The following FBXL7 variants were observed in gnomAD, a reference collection of about 807,000 sequenced individuals.
FBXL7 encodes the protein F-box and leucine rich repeat protein 7.
Under a neutral mutation model 38.3 loss-of-function variants are expected in FBXL7, and 12 were observed. That is an observed-to-expected ratio of 0.31 (90% CI 0.20 to 0.51). The LOEUF is 0.51. FBXL7 is among the 20% of genes least tolerant of loss of function. The pLI, the probability that FBXL7 is intolerant of heterozygous loss-of-function variation, is 0.98. For missense variants in FBXL7, 567 were observed against 676.4 expected (o/e 0.84, Z 1.79); for synonymous variants, 297 against 300.9 (o/e 0.99, Z 0.13).
chr5:15,819,135 C>G (rs1445107065), intron 2 of FBXL7, among the ~76,000 whole-genome samples: 1 of 152,172 alleles, frequency 6.6e-6, no homozygotes, highest in African/African-American at 2.4e-5. Flanking sequence ...GCATTGCAAA[C>G]CATAGTATCT....
chr5:15,652,438 TTG>T (rs1451223266), intron 2 of FBXL7, among the ~76,000 whole-genome samples: 1 of 152,104 alleles, frequency 6.6e-6, no homozygotes, highest in Admixed American at 6.5e-5. Context: ...GGCTAATTTT[TTG>T]TGTTTTTTGT....
At chr5:15,545,930 C>T (rs1209437743) in intron 1 of FBXL7, among the ~76,000 whole-genome samples, 1 of 152,150 alleles carries the variant, frequency 6.6e-6, no homozygotes, top group Non-Finnish European at 1.5e-5. Flanking sequence ...AACTGCTAGC[C>T]ACAGGTGGCT....
At position 15,786,902 on chromosome 5, in the gene FBXL7, C is replaced by T. The variant is rs1579461721; in HGVS notation, c.128-140988C>T. On this transcript the variant is annotated intron_variant, in intron 2 of 3. Transcript: ENST00000504595. The stretch of plus-strand genomic sequence containing the variant: ...ACAGATGAAATTAAATAAAGGATCT[C>T]AAAATGAGATCATCTTGGATTATCC... 3.3e-5 allele frequency among the ~76,000 whole-genome samples: 5 copies of T among 152,246 alleles called. No individual in the cohort carries two copies. The South Asian group carries it at 1.0e-3, about 32-fold the overall frequency.
At chr5:15,597,746 AAG>A (rs1305859254) in intron 1 of FBXL7, among the ~76,000 whole-genome samples, 1 of 152,172 alleles carries the variant, frequency 6.6e-6, no homozygotes, top group Non-Finnish European at 1.5e-5. Flanking sequence ...TTCATGCTAG[AAG>A]AGTTTGGGAA....
intron 2 of FBXL7, among the ~76,000 whole-genome samples, chr5:15,682,267 A>G (rs1431077574): frequency 6.6e-6 from 1 of 152,216 alleles, no homozygotes; most frequent in Non-Finnish European, 1.5e-5. Flanking sequence ...AATAATTGCC[A>G]GGTGTGAATG....
At chr5:15,926,964 C>T (rs1741891476) in intron 2 of FBXL7, among the ~76,000 whole-genome samples, 1 of 151,554 alleles carries the variant, frequency 6.6e-6, no homozygotes. Context: ...ACATAATCAC[C>T]CATCTAACCA....
chr5:15,787,842 A>G (rs1170173856), intron 2 of FBXL7, among the ~76,000 whole-genome samples: 1 of 152,178 alleles, frequency 6.6e-6, no homozygotes, highest in Non-Finnish European at 1.5e-5. Context: ...TGTCTTCATT[A>G]AATGCATCCT....
In FBXL7 at chr5:15,500,551, C is replaced by T; in HGVS notation, c.-126C>T. Reference sequence around the variant, plus strand: ...GGGACCTCTCCAGGCCGGAGGTCGGCCCCGGAGCTTGGGGGGGATGTGCAG... The same window carrying T: ...GGGACCTCTCCAGGCCGGAGGTCGGTCCCGGAGCTTGGGGGGGATGTGCAG... On this transcript the variant is annotated 5_prime_UTR_variant, in exon 1 of 4. Coordinates refer to ENST00000504595, the MANE Select transcript of FBXL7 (RefSeq NM_012304.5). The T allele has an allele frequency of 7.4e-7, 1 of 1,356,804 alleles. No homozygotes were observed. The highest frequency in any genetic ancestry group is 1.1e-6 in the Non-Finnish European group (1 of 946,496). 84.0% of individuals were successfully genotyped at this position (1,356,804 alleles called of 1,614,324 possible).
chr5:15,713,350 C>A (rs1743938339), intron 2 of FBXL7, among the ~76,000 whole-genome samples: 2 of 152,306 alleles, frequency 1.3e-5, no homozygotes, highest in South Asian at 2.1e-4. Context: ...GTCCCTCCCA[C>A]AACATGTGGG....
In FBXL7 at chr5:15,883,522, C is replaced by G. The variant is rs565182307; in HGVS notation, c.128-44368C>G. Among the ~76,000 whole-genome samples, 397 of 152,232 alleles carry G rather than the reference C, an allele frequency of 2.6e-3. 3 individuals are homozygous for G. The highest frequency in any genetic ancestry group is 8.9e-3 in the African/African-American group (370 of 41,522). ...GTTGTAAGAATGGGTTTTATAACACCAAATTGGGCACCACGAATTCACTTA... is the reference window on the plus strand; with the variant it reads ...GTTGTAAGAATGGGTTTTATAACACGAAATTGGGCACCACGAATTCACTTA... On this transcript the variant is annotated intron_variant, in intron 2 of 3. Transcript: ENST00000504595.
rs761084670 is a variant in FBXL7 at position 15,818,733 on chromosome 5, TGTGTGTGTGTGAGAGA to T, written c.128-109155_128-109140del. ...GTGTGTGTGTGTGTGTGTGTGTGTGTGTGTGTGTGTGAGAGAGAGAGAGATTTAAAATTCCCATGGG... is the reference window on the plus strand; with the variant it reads ...GTGTGTGTGTGTGTGTGTGTGTGTGTGAGAGAGATTTAAAATTCCCATGGG... On this transcript the variant is annotated intron_variant, in intron 2 of 3. Transcript: ENST00000504595. Among the ~76,000 whole-genome samples the T allele has an allele frequency of 1.1e-3, 99 of 90,634 alleles. 1 individual carries two copies. In the East Asian group the frequency reaches 0.02, roughly 18 times the overall value. 59.5% of individuals were successfully genotyped at this position (90,634 alleles called of 152,430 possible).
chr5:15,922,117 A>G (rs1741759760), intron 2 of FBXL7, among the ~76,000 whole-genome samples: 1 of 151,448 alleles, frequency 6.6e-6, no homozygotes, highest in African/African-American at 2.4e-5. Context: ...AAACTATTTT[A>G]TATTTATGAA....
intron 2 of FBXL7, among the ~76,000 whole-genome samples, chr5:15,764,578 G>T (rs535942252): frequency 2.0e-5 from 3 of 152,182 alleles, no homozygotes; most frequent in African/African-American, 4.8e-5. Flanking sequence ...TCCGAGGGGG[G>T]CTTAAGAACA....
At chr5:15,623,221 A>G (rs576383532) in intron 2 of FBXL7, among the ~76,000 whole-genome samples, 15 of 152,340 alleles carry the variant, frequency 9.8e-5, no homozygotes, top group African/African-American at 2.2e-4. Flanking sequence ...GCCCAAGACC[A>G]TTATTCCCAG....
chr5:15,622,814 C>T (rs1352654975), intron 2 of FBXL7, among the ~76,000 whole-genome samples: 1 of 152,142 alleles, frequency 6.6e-6, no homozygotes, highest in Non-Finnish European at 1.5e-5. Flanking sequence ...AAGCGATTCT[C>T]CTGCTTCAGC....
chr5:15,551,251 C>A (rs980008982), intron 1 of FBXL7, among the ~76,000 whole-genome samples: 4 of 152,162 alleles, frequency 2.6e-5, no homozygotes, highest in African/African-American at 9.7e-5. Context: ...TTTCTCAGAA[C>A]GTGTACTTGA....
At chr5:15,625,264 T>TA (rs1439205227) in intron 2 of FBXL7, among the ~76,000 whole-genome samples, 1 of 152,168 alleles carries the variant, frequency 6.6e-6, no homozygotes, top group African/African-American at 2.4e-5. Flanking sequence ...TCAGACTTAG[T>TA]AAAATTAATA....
chr5:15,609,238 G>A (rs1740135935), intron 1 of FBXL7, among the ~76,000 whole-genome samples: 1 of 152,174 alleles, frequency 6.6e-6, no homozygotes, highest in Non-Finnish European at 1.5e-5. Context: ...AGCTAATGGA[G>A]AGGTCAAGCC....
intron 2 of FBXL7, among the ~76,000 whole-genome samples, chr5:15,901,925 G>A (rs1282141228): frequency 6.6e-6 from 1 of 151,092 alleles, no homozygotes; most frequent in African/African-American, 2.5e-5. Flanking sequence ...ACATTTAACT[G>A]CATCCTTCAA....
Sources: allele counts gnomAD v4.1 joint callset (sites outside exome capture counted in the v4.1 genomes callset), GRCh38; gene constraint gnomAD v4.1.1; transcripts MANE v1.5; gene names NCBI Gene and HGNC (gene_info 2026-07-23, HGNC 2026-07-21).